MARCHF1: variants seen among roughly 807,000 people sequenced by gnomAD.
The protein encoded by MARCHF1 is membrane associated ring-CH-type finger 1.
MARCHF1 carries 40 observed loss-of-function variants against 54.2 expected under a neutral mutation model. The observed-to-expected ratio is 0.74, with a 90% CI of 0.57 to 0.96. The LOEUF (loss-of-function observed/expected upper bound fraction) is 0.96. MARCHF1 is among the 40% of genes least tolerant of loss of function. The probability of loss-of-function intolerance (pLI) is 0.00; values close to 1 mark genes in which losing one functional copy is unlikely to be tolerated. For missense variants in MARCHF1, 586 were observed against 656.5 expected (o/e 0.89, Z 1.17); for synonymous variants, 236 against 236.3 (o/e 1.00, Z 0.01).
intron 1 of MARCHF1, among the ~76,000 whole-genome samples, chr4:164,194,625 A>T (rs1731205300): frequency 6.6e-6 from 1 of 152,188 alleles, no homozygotes; most frequent in African/African-American, 2.4e-5. Context: ...GCAGGATAGC[A>T]CTGACTAATA....
chr4:163,852,604 T>A (rs998567402), intron 4 of MARCHF1, among the ~76,000 whole-genome samples: 4 of 152,272 alleles, frequency 2.6e-5, no homozygotes, highest in Middle Eastern at 6.8e-3. Flanking sequence ...TCCCTAAAAC[T>A]TTGAATACCC....
rs570451838 is a variant in MARCHF1 at position 163,996,241 on chromosome 4, AT to A, written c.-247-7533del. ...GAATAAATGATGCTTATGACAAATA[AT>A]TTTTATAGTATAATTAGTAACGTGG... On this transcript the variant is annotated intron_variant, in intron 2 of 9. Coordinates refer to ENST00000514618, the MANE Select transcript of MARCHF1 (RefSeq NM_001394959.1). 1.1e-4 allele frequency among the ~76,000 whole-genome samples: 17 copies of A among 152,142 alleles called. 1 individual carries two copies. In the South Asian group the frequency reaches 3.5e-3, roughly 31 times the overall value.
At chr4:163,989,598 T>C (rs1396890385) in intron 2 of MARCHF1, among the ~76,000 whole-genome samples, 1 of 152,216 alleles carries the variant, frequency 6.6e-6, no homozygotes, top group East Asian at 1.9e-4. Flanking sequence ...TTGGAAGAAG[T>C]AAATGGTTAA....
chr4:163,583,472 C>A (rs1336629259), intron 8 of MARCHF1, among the ~76,000 whole-genome samples: 2 of 151,930 alleles, frequency 1.3e-5, no homozygotes, highest in South Asian at 4.2e-4. Flanking sequence ...AAATGCTGTC[C>A]TTCATCAATG....
intron 7 of MARCHF1, among the ~76,000 whole-genome samples, chr4:163,598,576 T>C (rs1340133672): frequency 1.3e-5 from 2 of 152,174 alleles, no homozygotes; most frequent in Admixed American, 6.5e-5. Flanking sequence ...CTGTGGACAG[T>C]TGTAACACAA....
intron 4 of MARCHF1, among the ~76,000 whole-genome samples, chr4:163,766,569 CA>C (rs1249061773): frequency 6.6e-6 from 1 of 152,194 alleles, no homozygotes; most frequent in Non-Finnish European, 1.5e-5. Context: ...CATTGGCAGA[CA>C]CCCTATAACA....
chr4:163,686,917 A>C (rs768129677), intron 5 of MARCHF1, among the ~76,000 whole-genome samples: 11 of 152,210 alleles, frequency 7.2e-5, no homozygotes, highest in Non-Finnish European at 1.6e-4. Flanking sequence ...AGAACAAGTA[A>C]GTTTTTGCAA....
chr4:164,241,122 G>GAC (rs1560968969), intron 1 of MARCHF1, among the ~76,000 whole-genome samples: 38 of 152,058 alleles, frequency 2.5e-4, no homozygotes, highest in African/African-American at 9.2e-4. Context: ...CCCATGAATC[G>GAC]TACCAAGGAA....
intron 5 of MARCHF1, among the ~76,000 whole-genome samples, chr4:163,618,424 G>T (rs904874935): frequency 6.6e-6 from 1 of 152,112 alleles, no homozygotes; most frequent in Non-Finnish European, 1.5e-5. Context: ...TCAGAGGGGC[G>T]GTTCTGGGAA....
chr4:163,921,174 C>G (rs1332568911), intron 3 of MARCHF1, among the ~76,000 whole-genome samples: 1 of 152,010 alleles, frequency 6.6e-6, no homozygotes, highest in Non-Finnish European at 1.5e-5. Flanking sequence ...GTAAAGATAG[C>G]CTGATGGAAA....
At chr4:163,728,762 C>CTTTCTTTATTTA (rs1310438864) in intron 4 of MARCHF1, among the ~76,000 whole-genome samples, 1 of 152,166 alleles carries the variant, frequency 6.6e-6, no homozygotes, top group Non-Finnish European at 1.5e-5. Flanking sequence ...AGCTTTATTT[C>CTTTCTTTATTTA]TTGCTTCCCA....
chr4:163,636,874 C>G (rs1742349490), intron 5 of MARCHF1, among the ~76,000 whole-genome samples: 1 of 152,234 alleles, frequency 6.6e-6, no homozygotes, highest in Admixed American at 6.5e-5. Flanking sequence ...ACCAAAACAG[C>G]ATGGTACTGG....
intron 3 of MARCHF1, among the ~76,000 whole-genome samples, chr4:163,929,973 A>AATATAGTATATATAAATATAT (rs1560823848): frequency 8.0e-5 from 10 of 125,396 alleles, no homozygotes; most frequent in Admixed American, 2.8e-4. Context: ...AATATATATA[A>AATATAGTATATATAAATATAT]TATATATAAT....
chr4:163,896,450 ATTG>A (rs1360899747), intron 3 of MARCHF1, among the ~76,000 whole-genome samples: 3 of 152,102 alleles, frequency 2.0e-5, no homozygotes, highest in African/African-American at 7.2e-5. Context: ...TTCTCTCCTT[ATTG>A]TTTTTAGGGA....
At chr4:163,914,596 TG>T (rs1319078671) in intron 3 of MARCHF1, among the ~76,000 whole-genome samples, 1 of 152,144 alleles carries the variant, frequency 6.6e-6, no homozygotes, top group Non-Finnish European at 1.5e-5. Context: ...GCTAGTTTTT[TG>T]AGTACAAGAA....
At chr4:163,931,620 T>C (rs1306539965) in intron 3 of MARCHF1, among the ~76,000 whole-genome samples, 1 of 152,214 alleles carries the variant, frequency 6.6e-6, no homozygotes, top group Non-Finnish European at 1.5e-5. Flanking sequence ...CCGTTGTTTA[T>C]AAGCTACCAG....
intron 5 of MARCHF1, among the ~76,000 whole-genome samples, chr4:163,679,449 C>T (rs145673595): frequency 1.3e-5 from 2 of 152,200 alleles, no homozygotes; most frequent in East Asian, 3.9e-4. Context: ...GAAATCTGAA[C>T]ATCATCTTAG....
At position 164,369,887 on chromosome 4, in the gene MARCHF1, A is replaced by G. The variant is rs546285533; in HGVS notation, c.-323+13983T>C. On this transcript the variant is annotated intron_variant, in intron 1 of 9. Transcript: ENST00000514618. ...TCAAATAGTTTAGTAAGGTTGCTGG[A>G]TGAAAAATCAACATGTAAAAATCAA... 8.5e-5 allele frequency among the ~76,000 whole-genome samples: 13 copies of G among 152,366 alleles called. No homozygotes were observed. In the East Asian group the frequency reaches 1.9e-3, roughly 23 times the overall value.
At chr4:164,347,675 C>CT (rs1191971547) in intron 1 of MARCHF1, among the ~76,000 whole-genome samples, 2 of 152,078 alleles carry the variant, frequency 1.3e-5, no homozygotes, top group South Asian at 4.1e-4. Context: ...AGTTACAACT[C>CT]TTAATAGCTT....
Sources: allele counts gnomAD v4.1 joint callset (sites outside exome capture counted in the v4.1 genomes callset), GRCh38; gene constraint gnomAD v4.1.1; transcripts MANE v1.5; gene names NCBI Gene and HGNC (gene_info 2026-07-23, HGNC 2026-07-21).